Variants in ERC2 observed in about 807,000 individuals in gnomAD.
ERC2 encodes ELKS/RAB6-interacting/CAST family member 2.
In ERC2, 42 loss-of-function variants were observed where a neutral mutation model predicts 114.8. The observed-to-expected ratio is 0.37, with a 90% CI of 0.29 to 0.47. The LOEUF is 0.47. ERC2 is among the 20% of genes least tolerant of loss of function. ERC2 has a pLI of 0.99. For synonymous variants in ERC2, 454 were observed against 425.5 expected (o/e 1.07, Z -0.82); for missense variants, 939 against 1,150.7 (o/e 0.82, Z 2.66).
chr3:55,997,016 A>G (rs564164065), intron 10 of ERC2, among the ~76,000 whole-genome samples: 2 of 152,202 alleles, frequency 1.3e-5, no homozygotes, highest in East Asian at 1.9e-4. Context: ...CAGTTCATCA[A>G]TCCAGATCCC....
intron 2 of ERC2, among the ~76,000 whole-genome samples, chr3:56,326,949 G>T (rs894138722): frequency 6.6e-6 from 1 of 152,186 alleles, no homozygotes; most frequent in Non-Finnish European, 1.5e-5. Context: ...GGCTACGTAT[G>T]TCTGGATTCC....
chr3:56,445,002 G>A (rs371944870), intron 1 of ERC2, among the ~76,000 whole-genome samples: 14 of 152,346 alleles, frequency 9.2e-5, no homozygotes, highest in African/African-American at 2.6e-4. Context: ...GCTGTGTATA[G>A]CTAGCACAGT....
intron 2 of ERC2, among the ~76,000 whole-genome samples, chr3:56,419,744 A>C (rs892869239): frequency 6.6e-6 from 1 of 152,218 alleles, no homozygotes; most frequent in Non-Finnish European, 1.5e-5. Context: ...TGATCTAAAT[A>C]TCCTGAGATG....
intron 2 of ERC2, among the ~76,000 whole-genome samples, chr3:56,401,539 T>C (rs1011579023): frequency 1.3e-5 from 2 of 152,214 alleles, no homozygotes; most frequent in Non-Finnish European, 1.5e-5. Flanking sequence ...TGTGCCAATC[T>C]TTGAAGTTGC....
chr3:55,630,763 A>C (rs1575839818), intron 17 of ERC2, among the ~76,000 whole-genome samples: 1 of 152,208 alleles, frequency 6.6e-6, no homozygotes, highest in African/African-American at 2.4e-5. Context: ...GGTTTTACAC[A>C]AAGATTTTTT....
chr3:55,585,887 T>C (rs2057573149), intron 17 of ERC2, among the ~76,000 whole-genome samples: 1 of 152,110 alleles, frequency 6.6e-6, no homozygotes, highest in Non-Finnish European at 1.5e-5. Flanking sequence ...TTGATGCTGA[T>C]AAACAAAGCG....
At chr3:56,323,946 A>G (rs969453283) in intron 2 of ERC2, among the ~76,000 whole-genome samples, 4 of 152,228 alleles carry the variant, frequency 2.6e-5, no homozygotes, top group Admixed American at 1.3e-4. Context: ...GTAGAAAAAA[A>G]AAGAAACCAC....
chr3:56,023,774 T>TGAAGGAAGGCAGGAAGGAAGGAAGGAAG (rs2073872965), intron 7 of ERC2, among the ~76,000 whole-genome samples: 1 of 131,772 alleles, frequency 7.6e-6, no homozygotes, highest in Non-Finnish European at 1.6e-5. Context: ...AAAAAAGGAA[T>TGAAGGAAGGCAGGAAGGAAGGAAGGAAG]GAAGGAAGGA....
chr3:56,289,248 A>C (rs897186736), intron 3 of ERC2, among the ~76,000 whole-genome samples: 2 of 152,050 alleles, frequency 1.3e-5, no homozygotes, highest in Non-Finnish European at 1.5e-5. Context: ...ATCTCCCAGC[A>C]CTCAGTTCTT....
chr3:56,344,255 G>T (rs1161426278), intron 2 of ERC2, among the ~76,000 whole-genome samples: 2 of 152,182 alleles, frequency 1.3e-5, no homozygotes, highest in Non-Finnish European at 2.9e-5. Context: ...AGGTTAAGCT[G>T]GCTACTTGAG....
chr3:55,767,305 T>G lies in ERC2; in HGVS notation c.2565-32387A>C, dbSNP rs138739834. On this transcript the variant is annotated intron_variant, in intron 14 of 17. Transcript: ENST00000288221. ...GTGCCAGCTTCCAAGTCACTACTACTTTTTTCCATTGCTAACATATCTGCC... is the reference window on the plus strand; with the variant it reads ...GTGCCAGCTTCCAAGTCACTACTACGTTTTTCCATTGCTAACATATCTGCC... 2.8e-3 allele frequency among the ~76,000 whole-genome samples: 424 copies of G among 152,330 alleles called. 2 individuals are homozygous for G. Among genetic ancestry groups the G allele is most frequent in the African/African-American group, 9.7e-3 (404 of 41,586 alleles).
At chr3:56,315,454 T>A (rs1415813077) in intron 2 of ERC2, among the ~76,000 whole-genome samples, 1 of 152,224 alleles carries the variant, frequency 6.6e-6, no homozygotes, top group Non-Finnish European at 1.5e-5. Flanking sequence ...GATCTCTTGA[T>A]ACCAATCTTG....
chr3:56,281,169 G>A (rs1158327721), intron 3 of ERC2, among the ~76,000 whole-genome samples: 3 of 152,260 alleles, frequency 2.0e-5, no homozygotes, highest in Non-Finnish European at 4.4e-5. Context: ...CGGGCACGGT[G>A]GCTCACGCCT....
At position 55,702,395 on chromosome 3, in the gene ERC2, G is replaced by T. The variant is rs146866625; in HGVS notation, c.2713-2883C>A. ...AATGAGAGTTTGGTCTGATACTCTA[G>T]ACCGTTTTTATTTATCTTGCTTGTA... On this transcript the variant is annotated intron_variant, in intron 15 of 17. Transcript: ENST00000288221. 3.0e-3 allele frequency among the ~76,000 whole-genome samples: 464 copies of T among 152,290 alleles called. 2 individuals carry two copies. Among genetic ancestry groups the T allele is most frequent in the African/African-American group, 0.01 (432 of 41,560 alleles).
At chr3:55,693,487 C>T (rs1345990458) in intron 16 of ERC2, among the ~76,000 whole-genome samples, 4 of 152,102 alleles carry the variant, frequency 2.6e-5, no homozygotes, top group African/African-American at 9.7e-5. Flanking sequence ...CCCCTCCCTC[C>T]CCGGGCCAGT....
chr3:56,378,190 G>T (rs1286351586), intron 2 of ERC2, among the ~76,000 whole-genome samples: 1 of 150,394 alleles, frequency 6.6e-6, no homozygotes, highest in African/African-American at 2.5e-5. Flanking sequence ...AACAATGATA[G>T]ACTGGATTAA....
intron 2 of ERC2, among the ~76,000 whole-genome samples, chr3:56,355,063 C>A (rs1008722470): frequency 6.6e-6 from 1 of 152,192 alleles, no homozygotes; most frequent in Non-Finnish European, 1.5e-5. Flanking sequence ...TCCCCTTAAA[C>A]AAAGGCAAGG....
At chr3:56,425,136 C>T (rs1033427842) in intron 2 of ERC2, among the ~76,000 whole-genome samples, 2 of 152,148 alleles carry the variant, frequency 1.3e-5, no homozygotes, top group Non-Finnish European at 2.9e-5. Flanking sequence ...GCTCCTCTCT[C>T]AACACCTGCA....
chr3:56,406,192 C>T lies in ERC2; in HGVS notation c.657+28159G>A, dbSNP rs550030464. Among the ~76,000 whole-genome samples the T allele has an allele frequency of 2.0e-5, 3 of 152,244 alleles. No individual in the cohort carries two copies. In the East Asian group the frequency reaches 5.8e-4, roughly 29 times the overall value. ...ACAGGCGTAAGCCACTATGCCCAGC[C>T]ACGATATGAACATTTTTAAGACTTT... On this transcript the variant is annotated intron_variant, in intron 2 of 17. Transcript: ENST00000288221.
Sources: gnomAD v4.1 joint callset for allele counts (sites outside exome capture counted in the v4.1 genomes callset) on GRCh38, gnomAD v4.1.1 for gene constraint, MANE v1.5 for transcripts, NCBI Gene and HGNC (gene_info 2026-07-23, HGNC 2026-07-21) for gene names.